Variants in PCDH9 observed in about 807,000 individuals in gnomAD.
The protein encoded by PCDH9 is protocadherin 9.
A neutral mutation model predicts 70.6 loss-of-function variants in PCDH9; 24 were observed. That is an observed-to-expected ratio of 0.34 (90% CI 0.25 to 0.48). The LOEUF (loss-of-function observed/expected upper bound fraction) is 0.48. Ranked by LOEUF, PCDH9 falls within the 20% of genes least tolerant of loss-of-function variation. The probability of loss-of-function intolerance (pLI) is 0.99; values close to 1 mark genes in which losing one functional copy is unlikely to be tolerated. For synonymous variants in PCDH9, 562 were observed against 558.5 expected, an observed-to-expected ratio of 1.01 and a Z score of -0.09; for missense variants, 1,281 against 1,503.6, an observed-to-expected ratio of 0.85 and a Z score of 2.45.
intron 2 of PCDH9, among the ~76,000 whole-genome samples, chr13:67,107,976 C>A (rs536102347): frequency 1.3e-5 from 2 of 152,294 alleles, no homozygotes; most frequent in East Asian, 3.9e-4. Flanking sequence ...TCATGCAGTA[C>A]ATCTGGTCCA....
At chr13:66,421,942 CA>C (rs1276243459) in intron 4 of PCDH9, among the ~76,000 whole-genome samples, 2 of 151,826 alleles carry the variant, frequency 1.3e-5, no homozygotes, top group African/African-American at 4.8e-5. Context: ...CACATAGGCT[CA>C]AAATAAAGGC....
rs541516156 is a variant in PCDH9, at chr13:66,321,070, C to T, written c.3341-16042G>A. 3.3e-5 allele frequency among the ~76,000 whole-genome samples: 5 copies of T among 152,064 alleles called. No individual in the cohort carries two copies. The South Asian group carries it at 1.0e-3, about 32-fold the overall frequency. On this transcript the variant is annotated intron_variant, in intron 4 of 4. Transcript: ENST00000377865. ...CAAACACCTCAGGCAGAGCTTAAGA[C>T]ATATACCAGGCCTTGCTACACTGTC... is the stretch of plus-strand genomic sequence containing the variant.
chr13:67,083,088 C>T (rs1470897384), intron 2 of PCDH9, among the ~76,000 whole-genome samples: 2 of 151,998 alleles, frequency 1.3e-5, no homozygotes. Context: ...ATGTTTTCTT[C>T]TTCTAACTGG....
At chr13:66,823,033 AT>A (rs1470943138) in intron 3 of PCDH9, among the ~76,000 whole-genome samples, 15 of 152,114 alleles carry the variant, frequency 9.9e-5, no homozygotes, top group Non-Finnish European at 2.1e-4. Context: ...GTTTTTAGAT[AT>A]CGTAATACAT....
In PCDH9 at chr13:67,170,818, G is replaced by A. The variant is rs144039044; in HGVS notation, c.3036+54587C>T. Among the ~76,000 whole-genome samples the A allele has an allele frequency of 6.7e-3, 1,021 of 152,138 alleles. 13 individuals carry two copies. Among genetic ancestry groups the A allele is most frequent in the African/African-American group, 0.023 (960 of 41,474 alleles). On this transcript the variant is annotated intron_variant, in intron 2 of 4. Transcript: ENST00000377865. ...TGCACTCCTGTAATCCCATCTACTC[G>A]GGAGGCTGAGGCACAAGAATCACTT...
intron 3 of PCDH9, among the ~76,000 whole-genome samples, chr13:66,664,167 C>T (rs2078060260): frequency 6.6e-6 from 1 of 152,104 alleles, no homozygotes; most frequent in Middle Eastern, 3.2e-3. Context: ...CAATCATATC[C>T]AAGATTTATT....
At chr13:66,593,837 T>C (rs1044030743) in intron 4 of PCDH9, among the ~76,000 whole-genome samples, 1 of 151,794 alleles carries the variant, frequency 6.6e-6, no homozygotes, top group African/African-American at 2.4e-5. Flanking sequence ...TTAATAATTT[T>C]CTTCAACATG....
At chr13:67,104,887 A>AT (rs1228799773) in intron 2 of PCDH9, among the ~76,000 whole-genome samples, 1 of 151,402 alleles carries the variant, frequency 6.6e-6, no homozygotes, top group African/African-American at 2.4e-5. Context: ...CCCTCTTTCT[A>AT]TAAGAGAATC....
At chr13:66,460,169 A>G (rs921646834) in intron 4 of PCDH9, among the ~76,000 whole-genome samples, 1 of 151,940 alleles carries the variant, frequency 6.6e-6, no homozygotes, top group African/African-American at 2.4e-5. Flanking sequence ...GAAAATATAC[A>G]ATGGAAATTA....
intron 3 of PCDH9, among the ~76,000 whole-genome samples, chr13:66,833,551 T>A (rs754434322): frequency 6.6e-6 from 1 of 152,208 alleles, no homozygotes; most frequent in Non-Finnish European, 1.5e-5. Context: ...TGGAATCACA[T>A]TGGAATTGGG....
intron 4 of PCDH9, among the ~76,000 whole-genome samples, chr13:66,339,106 G>T (rs1956084589): frequency 6.6e-6 from 1 of 151,954 alleles, no homozygotes; most frequent in Admixed American, 6.6e-5. Context: ...AACTATATTA[G>T]ACCAGAAGAG....
chr13:67,184,176 A>T (rs1176544256), intron 2 of PCDH9, among the ~76,000 whole-genome samples: 1 of 152,168 alleles, frequency 6.6e-6, no homozygotes, highest in African/African-American at 2.4e-5. Context: ...AATGTAGGTT[A>T]TAACTTCCTT....
intron 2 of PCDH9, among the ~76,000 whole-genome samples, chr13:66,964,215 T>C (rs577763687): frequency 1.3e-5 from 2 of 152,108 alleles, no homozygotes; most frequent in Admixed American, 6.6e-5. Context: ...CTGGAGAACA[T>C]AATGCTGTCT....
chr13:67,063,630 T>C (rs376914001), intron 2 of PCDH9, among the ~76,000 whole-genome samples: 278 of 152,286 alleles, frequency 1.8e-3, no homozygotes, highest in Middle Eastern at 0.017. Flanking sequence ...ACATGCTTTT[T>C]AATTCGTTGC....
chr13:66,483,490 G>A (rs1370866365), intron 4 of PCDH9, among the ~76,000 whole-genome samples: 5 of 152,236 alleles, frequency 3.3e-5, no homozygotes, highest in African/African-American at 7.2e-5. Context: ...CATGAAGTGA[G>A]TGTGAAACAT....
intron 3 of PCDH9, among the ~76,000 whole-genome samples, chr13:66,799,387 A>G (rs2080293103): frequency 6.6e-6 from 1 of 152,096 alleles, no homozygotes; most frequent in Non-Finnish European, 1.5e-5. Context: ...ACTGGGCATG[A>G]TTGGTATCAC....
chr13:66,390,392 C>G (rs1012977560), intron 4 of PCDH9, among the ~76,000 whole-genome samples: 3 of 152,120 alleles, frequency 2.0e-5, no homozygotes, highest in Admixed American at 2.0e-4. Flanking sequence ...AATAAGAATT[C>G]CTGGGGAAAC....
chr13:67,028,512 C>T (rs1346344555), intron 2 of PCDH9, among the ~76,000 whole-genome samples: 12 of 151,174 alleles, frequency 7.9e-5, no homozygotes, highest in Non-Finnish European at 1.8e-4. Context: ...GGCACATGTA[C>T]ACATATGTAA....
intron 2 of PCDH9, among the ~76,000 whole-genome samples, chr13:67,044,237 C>T (rs1042595902): frequency 2.6e-5 from 4 of 151,926 alleles, no homozygotes; most frequent in Admixed American, 6.6e-5. Context: ...TTTGTTCAAT[C>T]GAGAGAAAAA....
Sources: allele counts gnomAD v4.1 joint callset (sites outside exome capture counted in the v4.1 genomes callset), GRCh38; gene constraint gnomAD v4.1.1; transcripts MANE v1.5; gene names NCBI Gene and HGNC (gene_info 2026-07-23, HGNC 2026-07-21).